SH3D19: variants seen among roughly 807,000 people sequenced by gnomAD.
SH3D19 encodes SH3 domain-containing protein 19.
SH3D19 carries 58 observed loss-of-function variants against 112.1 expected under a neutral mutation model. The observed-to-expected ratio is 0.52, with a 90% CI of 0.42 to 0.64. The LOEUF is 0.64. Ranked by LOEUF, SH3D19 falls within the 30% of genes least tolerant of loss-of-function variation. SH3D19 has a pLI of 0.00. For synonymous variants in SH3D19, 391 were observed against 448.5 expected, an observed-to-expected ratio of 0.87 and a Z score of 1.62; for missense variants, 1,090 against 1,263.4, an observed-to-expected ratio of 0.86 and a Z score of 2.08.
chr4:151,283,508 C>T (rs1171601485), intron 1 of SH3D19, among the ~76,000 whole-genome samples: 1 of 126,540 alleles, frequency 7.9e-6, no homozygotes, highest in Non-Finnish European at 1.6e-5. Flanking sequence ...GGTCATTGGA[C>T]TTTTTTTTTT....
Position 151,179,383 on chromosome 4 carries a change from T to C in SH3D19, c.208A>G (p.Ile70Val), listed in dbSNP as rs1760461837. 8.1e-7 allele frequency: 1 copy of C among 1,230,118 alleles called. No individual in the cohort carries two copies. Among genetic ancestry groups the C allele is most frequent in the African/African-American group, 1.6e-5 (1 of 64,388 alleles). 76.2% of individuals were successfully genotyped at this position (1,230,118 alleles called of 1,614,324 possible). Residue 70 changes from isoleucine to valine, a missense_variant, in exon 4 of 20, where the codon ATT becomes GTT. Coordinates refer to ENST00000604030, the MANE Select transcript of SH3D19 (RefSeq NM_001378122.1). ...CTATCTCGATGAAGTTCACTCTGAA[T>C]AGAAGTCCGAGAAGCTGTTGAAGAA... Reference protein sequence around the residue: ...AVIKRSSRTSIQSELHRDRRR... With the variant: ...AVIKRSSRTSVQSELHRDRRR...
chr4:151,325,111 G>GC, intron 1 of SH3D19, 130 bp downstream of exon 1: 2 of 428,142 alleles, frequency 4.7e-6, no homozygotes, highest in Non-Finnish European at 7.6e-6. Flanking sequence ...CCCGAGTCTG[G>GC]CCTCTGAGAG....
Position 151,176,581 on chromosome 4 carries a change from G to A in SH3D19, c.482C>T (p.Ala161Val). The change falls in exon 6 of 20, where the codon GCA becomes GTA. Residue 161 changes from alanine (A) to valine (V), a missense_variant. Ala to Val is a moderately conservative substitution (Grantham distance 64, BLOSUM62 0). Coordinates refer to ENST00000604030, the MANE Select transcript of SH3D19 (RefSeq NM_001378122.1). ...TTCTTCTGAAAAGTCAGTCTGAGTT[G>A]CAGAAGTAATAGTGTGCCTTGGAGT... ...AATPRHTITS[A>V]TQTDFSEEID... 1.6e-6 allele frequency: 2 copies of A among 1,232,056 alleles called. No homozygotes were observed. Among genetic ancestry groups the A allele is most frequent in the South Asian group, 8.2e-5 (2 of 24,322 alleles). The allele number at this position is 1,232,056 out of a possible 1,614,324, so 76.3% of individuals were successfully genotyped here. A position where few individuals can be genotyped will look rare whatever the true frequency, so the allele number is the denominator to read the frequency against.
chr4:151,308,980 T>C (rs919428058), intron 1 of SH3D19, among the ~76,000 whole-genome samples: 7 of 152,104 alleles, frequency 4.6e-5, no homozygotes, highest in African/African-American at 9.7e-5. Flanking sequence ...ACAATTCTCA[T>C]GCTCCACCCT....
At chr4:151,150,884 G>T (rs1171246128) in intron 9 of SH3D19, among the ~76,000 whole-genome samples, 10 of 151,462 alleles carry the variant, frequency 6.6e-5, no homozygotes, top group Non-Finnish European at 1.2e-4. Flanking sequence ...CAGATCTTCT[G>T]TTGAGTGGGA....
Position 151,177,000 on chromosome 4 carries a change from G to A in SH3D19, c.237-45C>T, listed in dbSNP as rs962666799. ...GTGAGGTTTTGCAGAATGGTAACAAGCTATTGTCTATCTATAAATGTTCAA... is the reference window on the plus strand; with the variant it reads ...GTGAGGTTTTGCAGAATGGTAACAAACTATTGTCTATCTATAAATGTTCAA... On this transcript the variant is annotated intron_variant, in intron 4 of 19. Transcript: ENST00000604030. 76 of 1,229,874 alleles carry A rather than the reference G, an allele frequency of 6.2e-5. 1 individual carries two copies. In the Admixed American group the frequency reaches 1.1e-3, roughly 18 times the overall value. The allele number at this position is 1,229,874 out of a possible 1,614,324, so 76.2% of individuals were successfully genotyped here. A position where few individuals can be genotyped will look rare whatever the true frequency, so the allele number is the denominator to read the frequency against.
At chr4:151,267,782 T>C (rs1231316073) in intron 1 of SH3D19, among the ~76,000 whole-genome samples, 1 of 152,132 alleles carries the variant, frequency 6.6e-6, no homozygotes, top group African/African-American at 2.4e-5. Context: ...GTGATCAAAA[T>C]AACCAGTCCC....
At chr4:151,297,067 C>G (rs1409947969) in intron 1 of SH3D19, among the ~76,000 whole-genome samples, 1 of 152,182 alleles carries the variant, frequency 6.6e-6, no homozygotes, top group East Asian at 1.9e-4. Flanking sequence ...AATCAGCTCC[C>G]TGAGAACTTT....
chr4:151,207,008 CTG>C (rs1293051223), intron 2 of SH3D19, among the ~76,000 whole-genome samples: 7 of 149,566 alleles, frequency 4.7e-5, no homozygotes, highest in Non-Finnish European at 7.4e-5. Context: ...GCTGTCAGCT[CTG>C]TCTTTTAGTT....
intron 9 of SH3D19, among the ~76,000 whole-genome samples, chr4:151,154,411 G>T (rs1432558265): frequency 6.7e-6 from 1 of 148,164 alleles, no homozygotes; most frequent in Non-Finnish European, 1.5e-5. Flanking sequence ...TGGGATTACA[G>T]GCTTGAACCA....
intron 1 of SH3D19, among the ~76,000 whole-genome samples, chr4:151,291,911 G>C (rs1338980896): frequency 2.0e-5 from 3 of 151,978 alleles, no homozygotes; most frequent in East Asian, 1.9e-4. Context: ...ACTGTAACAA[G>C]AGGGCTAATA....
In SH3D19 at chr4:151,150,102, G is replaced by A. The variant is rs1369991067; in HGVS notation, c.1756-541C>T. Among the ~76,000 whole-genome samples, 11 of 138,400 alleles carry A rather than the reference G, an allele frequency of 7.9e-5. No individual in the cohort carries two copies. In the East Asian group the frequency reaches 9.4e-4, roughly 12 times the overall value. 90.8% of individuals were successfully genotyped at this position (138,400 alleles called of 152,430 possible). ...TGGGAGGCTGAGGCAGGAGAATGGC[G>A]TGAACCCAGGAGGCAGAGGTTGCAG... On this transcript the variant is annotated intron_variant, in intron 9 of 19. Transcript: ENST00000604030.
chr4:151,267,507 T>A (rs2149994353), intron 1 of SH3D19, among the ~76,000 whole-genome samples: 1 of 152,364 alleles, frequency 6.6e-6, no homozygotes, highest in African/African-American at 2.4e-5. Flanking sequence ...TGAACATAGC[T>A]TTTATTTTTC....
chr4:151,149,907 C>T (rs1286268595), intron 9 of SH3D19, among the ~76,000 whole-genome samples: 4 of 151,612 alleles, frequency 2.6e-5, no homozygotes, highest in African/African-American at 9.7e-5. Flanking sequence ...TGCTCTTGGC[C>T]GGGCACGGTG....
At chr4:151,156,269 A>G (rs541168063) in intron 9 of SH3D19, among the ~76,000 whole-genome samples, 62 of 152,296 alleles carry the variant, frequency 4.1e-4, no homozygotes, top group African/African-American at 1.4e-3. Context: ...TACAGATTCA[A>G]TGCAATCCCT....
chr4:151,304,160 A>G (rs1271910854), intron 1 of SH3D19, among the ~76,000 whole-genome samples: 1 of 152,078 alleles, frequency 6.6e-6, no homozygotes, highest in Non-Finnish European at 1.5e-5. Flanking sequence ...CATATTTGAC[A>G]TATCTGAGTG....
intron 8 of SH3D19, among the ~76,000 whole-genome samples, chr4:151,161,619 CATAT>C (rs1002579947): frequency 1.4e-5 from 2 of 144,388 alleles, no homozygotes; most frequent in Admixed American, 7.0e-5. Context: ...GTCTTTTATA[CATAT>C]ATATATATAT....
chr4:151,192,343 G>A (rs1762794770), intron 2 of SH3D19, among the ~76,000 whole-genome samples: 1 of 152,142 alleles, frequency 6.6e-6, no homozygotes, highest in Admixed American at 6.6e-5. Context: ...GAGGATACTA[G>A]TGCCTATCTT....
chr4:151,195,148 A>C (rs1763232105), intron 2 of SH3D19, among the ~76,000 whole-genome samples: 1 of 151,054 alleles, frequency 6.6e-6, no homozygotes, highest in Non-Finnish European at 1.5e-5. Context: ...AGGTGGGTGG[A>C]TCACGAGGTC....
Sources: allele counts gnomAD v4.1 joint callset (sites outside exome capture counted in the v4.1 genomes callset), GRCh38; gene constraint gnomAD v4.1.1; transcripts MANE v1.5; gene names NCBI Gene and HGNC (gene_info 2026-07-23, HGNC 2026-07-21).